DPH1: variants seen among roughly 807,000 people sequenced by gnomAD.
DPH1 encodes diphthamide biosynthesis 1, also known as 2-(3-amino-3-carboxypropyl)histidine synthase subunit 1.
In DPH1, 59 loss-of-function variants were observed where a neutral mutation model predicts 55.3. That is an observed-to-expected ratio of 1.07 (90% CI 0.87 to 1.33). The LOEUF is 1.33. Among genes scored for constraint, DPH1 ranks in the 40% most tolerant of loss-of-function variants. The pLI is 0.00. For missense variants in DPH1, 628 were observed against 584.8 expected, an observed-to-expected ratio of 1.07 and a Z score of -0.76; for synonymous variants, 238 against 235.5, an observed-to-expected ratio of 1.01 and a Z score of -0.10.
chr17:2,043,043 T>TTGCCTTCGC lies in DPH1; in HGVS notation c.*458_*459insGCCTTCGCT. The TTGCCTTCGC allele has an allele frequency of 6.2e-7, 1 of 1,614,040 alleles. No individual in the cohort carries two copies. On this transcript the variant is annotated 3_prime_UTR_variant, in exon 13 of 13. Transcript: ENST00000263083. The stretch of plus-strand genomic sequence containing the variant: ...CTCACCCACTCTGGTGGCCACTTCA[T>TTGCCTTCGC]TCCAGCAGCTGCACCCCAGCGTCAG...
chr17:2,041,820 G>A lies in DPH1; in HGVS notation c.1280G>A (p.Ser427Asn), dbSNP rs773810529. ...PPSAVACEDCSCRDEKVAPLA... is the reference protein window; with the variant it reads ...PPSAVACEDCNCRDEKVAPLA... ...TCGGCCGTGGCTTGCGAGGACTGCA[G>A]CTGCAGGGACGAGAAGGTGGCGCCG... is the stretch of plus-strand genomic sequence containing the variant. Residue 427 changes from serine (S) to asparagine (N), a missense_variant, in exon 12 of 13, where the codon AGC becomes AAC. Transcript: ENST00000263083. The A allele has an allele frequency of 1.2e-6, 2 of 1,606,104 alleles. No homozygotes were observed. The highest frequency in any genetic ancestry group is 2.2e-5 in the East Asian group (1 of 44,552).
chr17:2,034,549 C>CCCCTCCCCTGCTGCCACCCT (rs1279095398), intron 3 of DPH1, among the ~76,000 whole-genome samples: 1 of 99,096 alleles, frequency 1.0e-5, no homozygotes, highest in Admixed American at 1.0e-4. Context: ...CTGCCCCATC[C>CCCCTCCCCTGCTGCCACCCT]CCCTCCCCTG....
In DPH1 at chr17:2,033,636, C is replaced by G. The variant is rs1311244562; in HGVS notation, c.193C>G (p.Gln65Glu). The G allele has an allele frequency of 6.2e-7, 1 of 1,614,182 alleles. No homozygotes were observed. Among genetic ancestry groups the G allele is most frequent in the East Asian group, 2.2e-5 (1 of 44,892 alleles). ...FEIPKTIWRI[Q>E]QAQAKKVALQ... is the part of the protein sequence containing the mutation. ...GATCCCCAAGACCATCTGGAGGATCCAACAAGCCCAGGCCAAGAAGGGTGA... is the reference window on the plus strand; with the variant it reads ...GATCCCCAAGACCATCTGGAGGATCGAACAAGCCCAGGCCAAGAAGGGTGA... The change falls in exon 2 of 13, where the codon CAA becomes GAA. Residue 65 changes from glutamine to glutamate, a missense_variant. By Grantham distance (29) the Gln-to-Glu change is conservative (BLOSUM62 2). Coordinates refer to ENST00000263083, the MANE Select transcript of DPH1 (RefSeq NM_001383.6).
Position 2,036,926 on chromosome 17 carries a change from C to A in DPH1, c.650C>A (p.Pro217His), listed in dbSNP as rs777373716. The A allele has an allele frequency of 1.9e-6, 3 of 1,613,802 alleles. No individual in the cohort carries two copies. The Admixed American group carries it at 5.0e-5, about 27-fold the overall frequency. ...SPGEILGCTS[P>H]RLSKEVEAVV... ...GGAGAGATCCTGGGCTGCACATCCC[C>A]CCGACTGTCCAAAGAGGTGGAGGCC... Residue 217 changes from proline (P) to histidine (H), a missense_variant, in exon 6 of 13, where the codon CCC (proline) becomes CAC (histidine). Coordinates refer to ENST00000263083, the MANE Select transcript of DPH1 (RefSeq NM_001383.6). This position sits in a 1 kb window ranked among gnomAD's most constrained non-coding sequence, Gnocchi z 4.8.
chr17:2,030,371 C>T (rs553434451), intron 1 of DPH1, 141 bp downstream of exon 1: 1 of 1,058,512 alleles, frequency 9.4e-7, no homozygotes, highest in East Asian at 2.7e-5. Flanking sequence ...GCCGCTGTCA[C>T]CAGCTCGGGG....
chr17:2,032,376 A>G (rs1378178404), intron 1 of DPH1, among the ~76,000 whole-genome samples: 2 of 152,178 alleles, frequency 1.3e-5, no homozygotes, highest in Admixed American at 6.5e-5. Flanking sequence ...AAGGTGAGCC[A>G]TATTCTATTC....
chr17:2,032,353 TCTC>T (rs1241798955), intron 1 of DPH1, among the ~76,000 whole-genome samples: 1 of 152,136 alleles, frequency 6.6e-6, no homozygotes, highest in Non-Finnish European at 1.5e-5. Flanking sequence ...TCACCTCTGT[TCTC>T]CTGAGGAAGA....
At chr17:2,030,713 C>G (rs2067319765) in intron 1 of DPH1, among the ~76,000 whole-genome samples, 1 of 152,174 alleles carries the variant, frequency 6.6e-6, no homozygotes, top group South Asian at 2.1e-4. Flanking sequence ...ATCATAGCCA[C>G]GTGATAAAGG....
chr17:2,037,790 A>T (rs1444864764), intron 6 of DPH1, among the ~76,000 whole-genome samples: 1 of 152,164 alleles, frequency 6.6e-6, no homozygotes, highest in Non-Finnish European at 1.5e-5. Flanking sequence ...CAGGGACAGC[A>T]TGTCTGGGGG....
In DPH1 at chr17:2,042,983, T is replaced by G. The variant is rs967837842; in HGVS notation, c.*397T>G. 6.2e-7 allele frequency: 1 copy of G among 1,614,116 alleles called. No homozygotes were observed. The highest frequency in any genetic ancestry group is 8.5e-7 in the Non-Finnish European group (1 of 1,180,028). Reference sequence around the variant, plus strand: ...AAAGTCATCCCCTCTCAGGAGAGTGTGCAACTGGCCAGCCAATTTCCCGGA... The same window carrying G: ...AAAGTCATCCCCTCTCAGGAGAGTGGGCAACTGGCCAGCCAATTTCCCGGA... On this transcript the variant is annotated 3_prime_UTR_variant, in exon 13 of 13. Coordinates refer to ENST00000263083, the MANE Select transcript of DPH1 (RefSeq NM_001383.6).
In DPH1 at chr17:2,041,252, G is replaced by A. The variant is rs1597287877; in HGVS notation, c.1086+71G>A. 2.6e-6 allele frequency: 4 copies of A among 1,538,034 alleles called. No homozygotes were observed. The East Asian group carries it at 7.2e-5, about 28-fold the overall frequency. On this transcript the variant is annotated intron_variant, in intron 10 of 12. Coordinates refer to ENST00000263083, the MANE Select transcript of DPH1 (RefSeq NM_001383.6). The stretch of plus-strand genomic sequence containing the variant: ...AAAGGTGAGGTCTGGAGTGGAGTGG[G>A]GTGGGTGGGCAGCACTTCGTTATGT...
At position 2,036,779 on chromosome 17, in the gene DPH1, C is replaced by T; in HGVS notation, c.559-56C>T. ...TCCCCAGGTGCTCCAGGCTGTTTCT[C>T]AGCCCTGGCTCTCCTGCCCCAGCCG... On this transcript the variant is annotated intron_variant, in intron 5 of 12. Transcript: ENST00000263083. The surrounding 1 kb of genome is among the most constrained non-coding windows in gnomAD (Gnocchi z 4.8). The T allele has an allele frequency of 1.2e-6, 2 of 1,607,056 alleles. No homozygotes were observed. The highest frequency in any genetic ancestry group is 1.1e-5 in the South Asian group (1 of 90,208).
rs1252929342 is a variant in DPH1, at chr17:2,041,866, C to G, written c.*9C>G. The stretch of plus-strand genomic sequence containing the variant: ...CGCCGCTGGCTCCTTGACGCGCTCC[C>G]GGGCCTCAGGTATCAGCCCCCGCTC... On this transcript the variant is annotated 3_prime_UTR_variant, in exon 12 of 13. Transcript: ENST00000263083. 6.3e-6 allele frequency: 10 copies of G among 1,584,386 alleles called. No homozygotes were observed. The highest frequency in any genetic ancestry group is 3.4e-5 in the South Asian group (3 of 87,724).
rs1032998697 is a variant in DPH1 at position 2,043,513 on chromosome 17, C to T, written c.*927C>T. ...GCCATCTACATAGTTTTCTGGGCAGCGCCAAGCAGGGAGGTGTCTCCAGTT... is the reference window on the plus strand; with the variant it reads ...GCCATCTACATAGTTTTCTGGGCAGTGCCAAGCAGGGAGGTGTCTCCAGTT... On this transcript the variant is annotated 3_prime_UTR_variant, in exon 13 of 13. Coordinates refer to ENST00000263083, the MANE Select transcript of DPH1 (RefSeq NM_001383.6). The T allele has an allele frequency of 1.6e-5, 3 of 181,952 alleles. No homozygotes were observed. The highest frequency in any genetic ancestry group is 3.5e-5 in the Non-Finnish European group (3 of 85,744). 11.3% of individuals were successfully genotyped at this position (181,952 alleles called of 1,614,324 possible).
At position 2,033,514 on chromosome 17, in the gene DPH1, C is replaced by T. The variant is rs757712058; in HGVS notation, c.71C>T (p.Pro24Leu). The change falls in exon 2 of 13, where the codon CCT becomes CTT. Residue 24 changes from proline (P) to leucine (L), a missense_variant. Physicochemically the swap from Pro to Leu is moderately conservative, Grantham distance 98. Coordinates refer to ENST00000263083, the MANE Select transcript of DPH1 (RefSeq NM_001383.6). The stretch of plus-strand genomic sequence containing the variant: ...CTTATATCCATTCTAGGTCGGGCCC[C>T]TCGGGGCCGCGTGGCCAATCAGATC... ...GRDGPGRGRA[P>L]RGRVANQIPP... is the part of the protein sequence containing the mutation. 3.0e-5 allele frequency: 49 copies of T among 1,613,974 alleles called. No individual in the cohort carries two copies. The Admixed American group carries it at 8.0e-4, about 26-fold the overall frequency.
Position 2,039,418 on chromosome 17 carries a change from C to A in DPH1, c.681-337C>A, listed in dbSNP as rs533925630. 3.3e-5 allele frequency: 6 copies of A among 181,326 alleles called. No individual in the cohort carries two copies. In the East Asian group the frequency reaches 8.7e-4, roughly 26 times the overall value. 11.2% of individuals were successfully genotyped at this position (181,326 alleles called of 1,614,324 possible). On this transcript the variant is annotated intron_variant, in intron 6 of 12. Transcript: ENST00000263083. ...TTTGAGACGGAGTCTCACTCTGTCA[C>A]CCAGGCTGGAGTGCAGTGGCGCGAT...
intron 12 of DPH1, 110 bp downstream of exon 12, chr17:2,041,985 G>C: frequency 6.7e-7 from 1 of 1,493,510 alleles, no homozygotes; most frequent in Non-Finnish European, 8.9e-7. Flanking sequence ...TCCGCCCCGT[G>C]CATTGTGCTT....
In DPH1 at chr17:2,041,601, G is replaced by A; in HGVS notation, c.1207G>A (p.Gly403Ser). Residue 403 changes from glycine to serine, a missense_variant, in exon 11 of 13, where the codon GGC becomes AGC. Transcript: ENST00000263083. ...CCAGGACCGCCGTCCCCACGCCCCGGGCCGGCCCGCGCGGGGGAAGGTAGG... is the reference window on the plus strand; with the variant it reads ...CCAGGACCGCCGTCCCCACGCCCCGAGCCGGCCCGCGCGGGGGAAGGTAGG... ...HGQDRRPHAPGRPARGKVQEG... is the reference protein window; with the variant it reads ...HGQDRRPHAPSRPARGKVQEG... The A allele has an allele frequency of 6.2e-7, 1 of 1,607,552 alleles. No homozygotes were observed. Among genetic ancestry groups the A allele is most frequent in the Non-Finnish European group, 8.5e-7 (1 of 1,177,558 alleles).
intron 3 of DPH1, among the ~76,000 whole-genome samples, chr17:2,035,496 AGGGGGTGGGGGCCCTGCCTGTGGTG>A (rs2067406817): frequency 4.3e-5 from 2 of 46,194 alleles, no homozygotes; most frequent in East Asian, 1.2e-3. Flanking sequence ...TGTGGTGGGG[AGGGGGTGGGGGCCCTGCCTGTGGTG>A]GGGAGGGAGT....
Sources: gnomAD v4.1 joint callset for allele counts (sites outside exome capture counted in the v4.1 genomes callset) on GRCh38, gnomAD v4.1.1 for gene constraint, Gnocchi (gnomAD v3.1) non-coding constraint, MANE v1.5 for transcripts, NCBI Gene and HGNC (gene_info 2026-07-23, HGNC 2026-07-21) for gene names.